Variants in SPIDR observed in about 807,000 individuals in gnomAD.
SPIDR encodes DNA repair-scaffolding protein.
A neutral mutation model predicts 104.6 loss-of-function variants in SPIDR; 93 were observed. That is an observed-to-expected ratio of 0.89 (90% CI 0.75 to 1.06). The LOEUF is 1.06. Ranked by LOEUF, SPIDR falls within the 50% of genes least tolerant of loss-of-function variation. The pLI is 0.00. For missense variants in SPIDR, 1,154 were observed against 1,111.2 expected (o/e 1.04, Z -0.55); for synonymous variants, 431 against 416.9 (o/e 1.03, Z -0.41).
intron 11 of SPIDR, among the ~76,000 whole-genome samples, chr8:47,684,673 A>G (rs958772531): frequency 5.9e-5 from 9 of 152,248 alleles, no homozygotes; most frequent in Admixed American, 1.3e-4. Context: ...TACTTAATTG[A>G]AAAAGTAGAA....
chr8:47,274,352 A>G (rs2035937338), intron 1 of SPIDR, among the ~76,000 whole-genome samples: 1 of 152,118 alleles, frequency 6.6e-6, no homozygotes, highest in East Asian at 1.9e-4. Context: ...ATTGTTCTCC[A>G]TCTCCCTGTA....
At chr8:47,722,021 A>G (rs998739160) in intron 16 of SPIDR, among the ~76,000 whole-genome samples, 1 of 152,222 alleles carries the variant, frequency 6.6e-6, no homozygotes, top group Non-Finnish European at 1.5e-5. Context: ...AACATGGAAT[A>G]TCTTTGCATT....
chr8:47,322,953 G>T (rs1436202271), intron 5 of SPIDR, among the ~76,000 whole-genome samples: 1 of 152,018 alleles, frequency 6.6e-6, no homozygotes, highest in Admixed American at 6.6e-5. Context: ...TGGGGGCAGG[G>T]TGGAGGGATA....
chr8:47,502,270 C>T (rs772488797), intron 8 of SPIDR, among the ~76,000 whole-genome samples: 56 of 152,054 alleles, frequency 3.7e-4, no homozygotes, highest in Middle Eastern at 3.2e-3. Context: ...CCATCTGGTC[C>T]GGGGCTTTTT....
At chr8:47,500,235 T>C (rs2080162291) in intron 8 of SPIDR, among the ~76,000 whole-genome samples, 1 of 152,212 alleles carries the variant, frequency 6.6e-6, no homozygotes, top group Non-Finnish European at 1.5e-5. Context: ...TCCACAATGG[T>C]TGAACTAGTT....
At chr8:47,363,499 T>TA (rs1563746510) in intron 5 of SPIDR, among the ~76,000 whole-genome samples, 44 of 101,480 alleles carry the variant, frequency 4.3e-4, no homozygotes, top group Admixed American at 6.1e-4. Context: ...CCAACCTTTT[T>TA]TAAAAAAAAA....
At chr8:47,627,411 AG>A (rs1419548690) in intron 10 of SPIDR, among the ~76,000 whole-genome samples, 5 of 152,186 alleles carry the variant, frequency 3.3e-5, no homozygotes, top group Admixed American at 3.3e-4. Context: ...TTAAAAAAAA[AG>A]AAATGATTTA....
At chr8:47,355,339 T>C (rs1554625101) in intron 5 of SPIDR, among the ~76,000 whole-genome samples, 1 of 143,890 alleles carries the variant, frequency 6.9e-6, no homozygotes, top group African/African-American at 2.5e-5. Context: ...TTTTTTTTGC[T>C]CATGTCTGGT....
chr8:47,662,463 C>A (rs1180119599), intron 10 of SPIDR, among the ~76,000 whole-genome samples: 2 of 152,180 alleles, frequency 1.3e-5, no homozygotes, highest in African/African-American at 4.8e-5. Flanking sequence ...ATGAGCACTA[C>A]TTTGCACCTT....
intron 5 of SPIDR, among the ~76,000 whole-genome samples, chr8:47,378,939 A>G (rs2059002307): frequency 6.6e-6 from 1 of 152,230 alleles, no homozygotes; most frequent in Non-Finnish European, 1.5e-5. Flanking sequence ...GTAAATCTCT[A>G]AAGAGCAGAA....
chr8:47,538,082 G>T (rs1167227318), intron 8 of SPIDR, among the ~76,000 whole-genome samples: 1 of 152,144 alleles, frequency 6.6e-6, no homozygotes, highest in African/African-American at 2.4e-5. Flanking sequence ...GGCTGAGACA[G>T]GAGAATTGCT....
intron 5 of SPIDR, among the ~76,000 whole-genome samples, chr8:47,339,912 C>T (rs1587291663): frequency 6.6e-6 from 1 of 152,110 alleles, no homozygotes; most frequent in East Asian, 1.9e-4. Context: ...AACTCATGAC[C>T]TCGTGATCCA....
Position 47,440,327 on chromosome 8 carries a change from A to C in SPIDR, c.882A>C (p.Arg294Ser). ...GTTCTTTTCTTCAACTTCTAGGTAG[A>C]AAATCTGGTGTATTAACTGTGAAAA... The part of the protein sequence containing the change: ...CISYQKTLSG[R>S]KSGVLTVKIL... Residue 294 changes from arginine to serine, a missense_variant, in exon 8 of 20, where the codon AGA (arginine) becomes AGC (serine). Arg to Ser is a moderately radical substitution (Grantham distance 110, BLOSUM62 -1). Coordinates refer to ENST00000297423, the MANE Select transcript of SPIDR (RefSeq NM_001080394.4). 6.2e-7 allele frequency: 1 copy of C among 1,613,900 alleles called. No homozygotes were observed. The highest frequency in any genetic ancestry group is 1.3e-5 in the African/African-American group (1 of 75,058).
intron 8 of SPIDR, among the ~76,000 whole-genome samples, chr8:47,440,855 G>T (rs1250670511): frequency 1.3e-5 from 2 of 152,110 alleles, no homozygotes; most frequent in African/African-American, 2.4e-5. Context: ...AAATAATTTT[G>T]TTAACAGGCA....
chr8:47,331,989 CTTTTTTT>C lies in SPIDR; in HGVS notation c.525+37975_525+37981del, dbSNP rs1289524835. On this transcript the variant is annotated intron_variant, in intron 5 of 19. Coordinates refer to ENST00000297423, the MANE Select transcript of SPIDR (RefSeq NM_001080394.4). ...ACTTTTTTTTTTTTTTTTTTTTTCT[CTTTTTTT>C]TTTTTTTTTTTTTTTATTATACTCT... Among the ~76,000 whole-genome samples the C allele has an allele frequency of 7.1e-3, 258 of 36,282 alleles. 1 individual carries two copies. In the East Asian group the frequency reaches 0.081, roughly 11 times the overall value. 23.8% of individuals were successfully genotyped at this position (36,282 alleles called of 152,430 possible).
chr8:47,326,086 C>G (rs1554600192), intron 5 of SPIDR, among the ~76,000 whole-genome samples: 1 of 152,186 alleles, frequency 6.6e-6, no homozygotes, highest in Non-Finnish European at 1.5e-5. Flanking sequence ...CTCCACCTCC[C>G]CAGTCTCAGG....
Position 47,511,179 on chromosome 8 carries a change from T to C in SPIDR, c.1097+70637T>C, listed in dbSNP as rs115359171. The C allele has an allele frequency of 6.1e-4, 951 of 1,563,226 alleles. 12 individuals carry two copies. The African/African-American group carries it at 0.011, about 19-fold the overall frequency. On this transcript the variant is annotated intron_variant, in intron 8 of 19. Coordinates refer to ENST00000297423, the MANE Select transcript of SPIDR (RefSeq NM_001080394.4). ...CTGGCCGGGCATCCACAATGAAGAG[T>C]TGGATGTTGCTGATCCTGTGGCTGT...
At chr8:47,265,660 A>T (rs921930158) in intron 1 of SPIDR, among the ~76,000 whole-genome samples, 7 of 152,216 alleles carry the variant, frequency 4.6e-5, no homozygotes, top group South Asian at 4.1e-4. Context: ...AGTACAAAAA[A>T]AGTTTGTTGT....
intron 5 of SPIDR, among the ~76,000 whole-genome samples, chr8:47,388,686 G>T (rs1414173271): frequency 5.3e-5 from 8 of 152,196 alleles, no homozygotes; most frequent in African/African-American, 1.9e-4. Flanking sequence ...CTAGACACAT[G>T]GCCACTGAGA....
Sources: gnomAD v4.1 joint callset for allele counts (sites outside exome capture counted in the v4.1 genomes callset) on GRCh38, gnomAD v4.1.1 for gene constraint, MANE v1.5 for transcripts, NCBI Gene and HGNC (gene_info 2026-07-23, HGNC 2026-07-21) for gene names.